HS6ST3: variants seen among roughly 807,000 people sequenced by gnomAD.
The protein encoded by HS6ST3 is heparan-sulfate 6-O-sulfotransferase 3.
In HS6ST3, 12 loss-of-function variants were observed where a neutral mutation model predicts 36.7. The ratio of observed to expected loss-of-function variants is 0.33; its 90% CI spans 0.21 to 0.53. The LOEUF (loss-of-function observed/expected upper bound fraction) is 0.53. HS6ST3 is among the 20% of genes least tolerant of loss of function. The probability of loss-of-function intolerance (pLI) is 0.95; values close to 1 mark genes in which losing one functional copy is unlikely to be tolerated. For synonymous variants in HS6ST3, 240 were observed against 257.5 expected (o/e 0.93, Z 0.65); for missense variants, 584 against 640.9 (o/e 0.91, Z 0.96).
chr13:96,805,386 C>T (rs1335379178), intron 1 of HS6ST3, among the ~76,000 whole-genome samples: 1 of 152,160 alleles, frequency 6.6e-6, no homozygotes, highest in Non-Finnish European at 1.5e-5. Flanking sequence ...TCCCCTTCTA[C>T]CATGATTTTA....
At chr13:96,413,170 A>G (rs2055516506) in intron 1 of HS6ST3, among the ~76,000 whole-genome samples, 1 of 152,210 alleles carries the variant, frequency 6.6e-6, no homozygotes, top group African/African-American at 2.4e-5. Context: ...TCATTATCAC[A>G]TGACATAGTT....
chr13:96,273,114 G>A (rs1476310247), intron 1 of HS6ST3, among the ~76,000 whole-genome samples: 1 of 151,932 alleles, frequency 6.6e-6, no homozygotes, highest in Non-Finnish European at 1.5e-5. Flanking sequence ...TAGGAAAATT[G>A]ATATACAGTT....
chr13:96,249,100 T>C (rs2139376418), intron 1 of HS6ST3, among the ~76,000 whole-genome samples: 1 of 152,288 alleles, frequency 6.6e-6, no homozygotes, highest in East Asian at 1.9e-4. Context: ...TTCTCATTCA[T>C]CTAATACCAG....
intron 1 of HS6ST3, among the ~76,000 whole-genome samples, chr13:96,322,739 C>T (rs79059829): frequency 0.013 from 2,003 of 152,282 alleles, 42 homozygotes; most frequent in African/African-American, 0.046. Flanking sequence ...TCTACATTTT[C>T]CTTTCTTTCA....
intron 1 of HS6ST3, among the ~76,000 whole-genome samples, chr13:96,701,339 G>T (rs1441203594): frequency 6.6e-6 from 1 of 152,170 alleles, no homozygotes; most frequent in Non-Finnish European, 1.5e-5. Flanking sequence ...ATGACTAATG[G>T]AATAATGTGG....
At chr13:96,295,477 A>T (rs936085955) in intron 1 of HS6ST3, among the ~76,000 whole-genome samples, 56 of 152,246 alleles carry the variant, frequency 3.7e-4, no homozygotes, top group Non-Finnish European at 1.3e-4. Context: ...TCTGTTTTTA[A>T]GGGCTGAGGG....
chr13:96,684,241 A>T (rs188018594), intron 1 of HS6ST3, among the ~76,000 whole-genome samples: 26 of 151,994 alleles, frequency 1.7e-4, no homozygotes, highest in Admixed American at 1.6e-3. Context: ...TTTTTTTCTT[A>T]ATGTACCTTT....
chr13:96,442,698 G>A (rs557084420), intron 1 of HS6ST3, among the ~76,000 whole-genome samples: 1 of 151,824 alleles, frequency 6.6e-6, no homozygotes, highest in Non-Finnish European at 1.5e-5. Flanking sequence ...AGACCAGATG[G>A]GAGAGAAGAA....
At chr13:96,701,055 G>A (rs1875272877) in intron 1 of HS6ST3, among the ~76,000 whole-genome samples, 1 of 152,160 alleles carries the variant, frequency 6.6e-6, no homozygotes, top group African/African-American at 2.4e-5. Context: ...GTTTCGATCA[G>A]CATATTAAGC....
At chr13:96,433,692 T>C (rs1038052929) in intron 1 of HS6ST3, among the ~76,000 whole-genome samples, 5 of 152,144 alleles carry the variant, frequency 3.3e-5, no homozygotes, top group Non-Finnish European at 5.9e-5. Context: ...TTTAGCACTT[T>C]GAGAGGTTGA....
intron 1 of HS6ST3, among the ~76,000 whole-genome samples, chr13:96,464,247 A>C (rs1034295536): frequency 1.1e-3 from 169 of 149,978 alleles, no homozygotes; most frequent in African/African-American, 4.0e-3. Context: ...TTACCCCCCT[A>C]CCCAGTTCCT....
chr13:96,267,045 T>C (rs2054695966), intron 1 of HS6ST3, among the ~76,000 whole-genome samples: 1 of 152,196 alleles, frequency 6.6e-6, no homozygotes, highest in Admixed American at 6.5e-5. Flanking sequence ...AATTGAATCC[T>C]CGGAGCGGGT....
intron 1 of HS6ST3, among the ~76,000 whole-genome samples, chr13:96,115,587 T>G (rs903543552): frequency 6.6e-6 from 1 of 152,216 alleles, no homozygotes; most frequent in Non-Finnish European, 1.5e-5. Context: ...CTCATTCCTT[T>G]TTGTGGCTGC....
intron 1 of HS6ST3, among the ~76,000 whole-genome samples, chr13:96,317,348 A>ATAAAAT (rs1555297602): frequency 2.0e-4 from 6 of 30,464 alleles, no homozygotes; most frequent in African/African-American, 7.2e-4. Flanking sequence ...ATATATATAT[A>ATAAAAT]TATATATATA....
chr13:96,342,028 G>A (rs1371497027), intron 1 of HS6ST3, among the ~76,000 whole-genome samples: 1 of 151,678 alleles, frequency 6.6e-6, no homozygotes, highest in African/African-American at 2.4e-5. Context: ...ATATCTGTGT[G>A]TACTTTTCTA....
intron 1 of HS6ST3, among the ~76,000 whole-genome samples, chr13:96,746,320 C>T (rs561888498): frequency 5.9e-5 from 9 of 152,120 alleles, no homozygotes; most frequent in African/African-American, 2.2e-4. Context: ...TGGATTAAAA[C>T]AGCTGCCCCC....
chr13:96,700,744 C>T (rs989125284), intron 1 of HS6ST3, among the ~76,000 whole-genome samples: 1 of 152,066 alleles, frequency 6.6e-6, no homozygotes, highest in African/African-American at 2.4e-5. Flanking sequence ...GAATTTAATT[C>T]CTTCTGGCTC....
chr13:96,386,053 A>T (rs2055366129), intron 1 of HS6ST3, among the ~76,000 whole-genome samples: 1 of 152,228 alleles, frequency 6.6e-6, no homozygotes, highest in Non-Finnish European at 1.5e-5. Context: ...TAAACCAAGA[A>T]ATGAGGTCAT....
intron 1 of HS6ST3, among the ~76,000 whole-genome samples, chr13:96,591,094 A>G (rs1042070114): frequency 6.6e-6 from 1 of 150,724 alleles, no homozygotes; most frequent in African/African-American, 2.4e-5. Flanking sequence ...TTTAGTTACT[A>G]TAGCTCTGTA....
Sources: allele counts gnomAD v4.1 joint callset (sites outside exome capture counted in the v4.1 genomes callset), GRCh38; gene constraint gnomAD v4.1.1; transcripts MANE v1.5; gene names NCBI Gene and HGNC (gene_info 2026-07-23, HGNC 2026-07-21).